IGF2BP2: variants seen among roughly 807,000 people sequenced by gnomAD.
IGF2BP2 encodes the protein insulin-like growth factor 2 mRNA-binding protein 2.
A neutral mutation model predicts 75.8 loss-of-function variants in IGF2BP2; 17 were observed. The observed-to-expected ratio is 0.22, with a 90% CI of 0.15 to 0.34. The LOEUF (loss-of-function observed/expected upper bound fraction) is 0.34, where lower values mean the gene tolerates loss of function less well. Ranked by LOEUF, IGF2BP2 falls within the 10% of genes least tolerant of loss-of-function variation. The pLI, the probability that IGF2BP2 is intolerant of heterozygous loss-of-function variation, is 1.00. For missense variants in IGF2BP2, 516 were observed against 772.4 expected, an observed-to-expected ratio of 0.67 and a Z score of 3.93; for synonymous variants, 288 against 295.6, an observed-to-expected ratio of 0.97 and a Z score of 0.26.
chr3:185,753,082 G>C (rs1475024121), intron 2 of IGF2BP2, among the ~76,000 whole-genome samples: 2 of 152,204 alleles, frequency 1.3e-5, no homozygotes, highest in Non-Finnish European at 2.9e-5. Flanking sequence ...CCTTGTGTGA[G>C]ATCAAGTTCA....
intron 2 of IGF2BP2, among the ~76,000 whole-genome samples, chr3:185,740,726 T>TA (rs1348233928): frequency 6.6e-6 from 1 of 152,192 alleles, no homozygotes; most frequent in East Asian, 1.9e-4. Context: ...GCCATATACC[T>TA]AGTAAAGGTT....
At chr3:185,771,515 T>C (rs1474606259) in intron 2 of IGF2BP2, among the ~76,000 whole-genome samples, 3 of 151,630 alleles carry the variant, frequency 2.0e-5, no homozygotes, top group African/African-American at 7.3e-5. Flanking sequence ...TATGAGACTC[T>C]GCTAAAACAT....
At chr3:185,714,235 T>C (rs772910651) in intron 2 of IGF2BP2, among the ~76,000 whole-genome samples, 3 of 152,204 alleles carry the variant, frequency 2.0e-5, no homozygotes, top group Non-Finnish European at 2.9e-5. Context: ...GGTAGTATTA[T>C]TCTTTTTGAC....
In IGF2BP2 at chr3:185,649,536, TGA is replaced by T. The variant is rs758874089; in HGVS notation, c.1462-4_1462-3del. The T allele has an allele frequency of 3.1e-6, 5 of 1,614,028 alleles. No individual in the cohort carries two copies. Among genetic ancestry groups the T allele is most frequent in the Non-Finnish European group, 4.2e-6 (5 of 1,179,930 alleles). ...TTTCCCAAAGATCCGTCCCTGGGCC[TGA>T]GAGAGCAAGACATGACTAATGACTC... On this transcript the variant is annotated splice_region_variant and splice_polypyrimidine_tract_variant and intron_variant, in intron 13 of 15. Transcript: ENST00000382199.
intron 2 of IGF2BP2, among the ~76,000 whole-genome samples, chr3:185,805,702 C>T (rs1044591198): frequency 6.6e-6 from 1 of 151,870 alleles, no homozygotes; most frequent in Non-Finnish European, 1.5e-5. Flanking sequence ...TCTGTGCTCA[C>T]GGAATTCCCT....
intron 2 of IGF2BP2, among the ~76,000 whole-genome samples, chr3:185,789,757 A>G (rs576053191): frequency 2.1e-4 from 30 of 140,002 alleles, no homozygotes; most frequent in Admixed American, 1.7e-3. Flanking sequence ...TTTTTGAGAC[A>G]GAATCTCACT....
chr3:185,811,678 A>G (rs1451432828), intron 2 of IGF2BP2, among the ~76,000 whole-genome samples: 4 of 152,102 alleles, frequency 2.6e-5, no homozygotes, highest in African/African-American at 4.8e-5. Flanking sequence ...CACCACTTAC[A>G]TCATCTACCC....
intron 2 of IGF2BP2, chr3:185,712,519 T>C (rs1242734668): frequency 6.6e-6 from 1 of 152,142 alleles, no homozygotes; most frequent in Non-Finnish European, 1.5e-5. Context: ...GAACTGGAGA[T>C]ACGAATTTGA....
intron 2 of IGF2BP2, among the ~76,000 whole-genome samples, chr3:185,779,274 C>A (rs2149793320): frequency 6.6e-6 from 1 of 152,180 alleles, no homozygotes; most frequent in Admixed American, 6.5e-5. Context: ...TTAAAGGGAT[C>A]TTTCTTCTAT....
chr3:185,819,510 T>C (rs1741050726), intron 2 of IGF2BP2, among the ~76,000 whole-genome samples: 1 of 152,122 alleles, frequency 6.6e-6, no homozygotes, highest in Admixed American at 6.5e-5. Context: ...TTAACTCTAA[T>C]ACTTATCTCT....
intron 2 of IGF2BP2, among the ~76,000 whole-genome samples, chr3:185,737,903 T>G (rs1275125370): frequency 6.6e-6 from 1 of 152,218 alleles, no homozygotes; most frequent in African/African-American, 2.4e-5. Context: ...CTCTTATTAT[T>G]TCTTTAGAGT....
intron 4 of IGF2BP2, 61 bp from the exon 5 acceptor site, chr3:185,692,823 T>C (rs1202707450): frequency 2.7e-6 from 4 of 1,465,138 alleles, no homozygotes; most frequent in Non-Finnish European, 2.9e-6. Context: ...TCTGGCTTAA[T>C]GTAAACAGAC....
intron 2 of IGF2BP2, chr3:185,713,444 A>G (rs750454055): frequency 5.8e-6 from 3 of 520,092 alleles, no homozygotes; most frequent in South Asian, 4.2e-5. Flanking sequence ...ACACCACTAG[A>G]TAACTGTCTA....
At chr3:185,692,791 A>G (rs1722122981) in intron 4 of IGF2BP2, 29 bp from the exon 5 acceptor site, 2 of 1,610,804 alleles carry the variant, frequency 1.2e-6, no homozygotes, top group Admixed American at 1.7e-5. Context: ...CTACACTGTC[A>G]TAGGAAAAAG....
chr3:185,764,019 C>A (rs1732730401), intron 2 of IGF2BP2, among the ~76,000 whole-genome samples: 1 of 152,092 alleles, frequency 6.6e-6, no homozygotes, highest in African/African-American at 2.4e-5. Context: ...AGGATTGTAG[C>A]AGTATTGCCA....
chr3:185,712,821 G>A (rs1349002264), intron 2 of IGF2BP2, among the ~76,000 whole-genome samples: 2 of 151,996 alleles, frequency 1.3e-5, no homozygotes, highest in Non-Finnish European at 2.9e-5. Flanking sequence ...AAACTCCACT[G>A]TATTTTATAA....
intron 7 of IGF2BP2, among the ~76,000 whole-genome samples, chr3:185,680,088 T>C (rs1347292439): frequency 3.3e-5 from 5 of 151,586 alleles, no homozygotes; most frequent in Non-Finnish European, 7.4e-5. Context: ...AAAAAGAACA[T>C]TCAATAACTA....
chr3:185,660,812 G>A (rs1040245548), intron 10 of IGF2BP2, among the ~76,000 whole-genome samples: 1 of 152,172 alleles, frequency 6.6e-6, no homozygotes, highest in Non-Finnish European at 1.5e-5. Flanking sequence ...CAAAACTCTA[G>A]TCTGGGAAAA....
intron 2 of IGF2BP2, among the ~76,000 whole-genome samples, chr3:185,822,712 T>C (rs370111657): frequency 7.9e-5 from 12 of 152,340 alleles, no homozygotes; most frequent in Non-Finnish European, 1.6e-4. Flanking sequence ...CTATTCAACA[T>C]TAAACTATCT....
Sources: allele counts gnomAD v4.1 joint callset (sites outside exome capture counted in the v4.1 genomes callset), GRCh38; gene constraint gnomAD v4.1.1; transcripts MANE v1.5; gene names NCBI Gene and HGNC (gene_info 2026-07-23, HGNC 2026-07-21).